CPQ: variants seen among roughly 807,000 people sequenced by gnomAD.
The protein encoded by CPQ is Ser-Met dipeptidase.
CPQ carries 37 observed loss-of-function variants against 45.7 expected under a neutral mutation model. That is an observed-to-expected ratio of 0.81 (90% CI 0.62 to 1.07). CPQ has a LOEUF of 1.07. Ranked by LOEUF, CPQ falls within the 50% of genes least tolerant of loss-of-function variation. The pLI is 0.00. For synonymous variants in CPQ, 186 were observed against 205.8 expected (o/e 0.90, Z 0.82); for missense variants, 537 against 572.9 (o/e 0.94, Z 0.64).
In CPQ at chr8:96,650,108, C is replaced by T. The variant is rs368293417; in HGVS notation, c.-35+4706C>T. 1.7e-4 allele frequency among the ~76,000 whole-genome samples: 26 copies of T among 152,234 alleles called. No homozygotes were observed. The East Asian group carries it at 2.9e-3, about 17-fold the overall frequency. The stretch of plus-strand genomic sequence containing the variant: ...TGTACTTCTTTAATGGTAAGATATC[C>T]CAAGCTTTGATTTCTCATCTTATTC... On this transcript the variant is annotated intron_variant, in intron 1 of 7. Transcript: ENST00000220763.
chr8:96,775,364 T>G (rs1305847712), intron 1 of CPQ, among the ~76,000 whole-genome samples: 1 of 152,066 alleles, frequency 6.6e-6, no homozygotes, highest in Non-Finnish European at 1.5e-5. Flanking sequence ...GGAAAATAAT[T>G]TATAATTATT....
chr8:96,750,058 A>G (rs932832508), intron 1 of CPQ, among the ~76,000 whole-genome samples: 1 of 151,978 alleles, frequency 6.6e-6, no homozygotes. Flanking sequence ...ATGATGTATT[A>G]TCAGATTTAA....
At chr8:96,828,154 A>G (rs1278863031) in intron 2 of CPQ, among the ~76,000 whole-genome samples, 1 of 151,984 alleles carries the variant, frequency 6.6e-6, no homozygotes, top group Admixed American at 6.6e-5. Context: ...CCCTGTCCCA[A>G]TCTAAGCCAC....
At chr8:96,854,287 T>G (rs1311042611) in intron 3 of CPQ, among the ~76,000 whole-genome samples, 1 of 151,540 alleles carries the variant, frequency 6.6e-6, no homozygotes, top group Non-Finnish European at 1.5e-5. Flanking sequence ...ATCCCAGCAC[T>G]TTGGGAGGCC....
At chr8:97,019,402 A>G (rs1466141753) in intron 5 of CPQ, among the ~76,000 whole-genome samples, 1 of 152,248 alleles carries the variant, frequency 6.6e-6, no homozygotes, top group African/African-American at 2.4e-5. Context: ...ATGAATGTAA[A>G]TGGCCTAAAT....
intron 3 of CPQ, among the ~76,000 whole-genome samples, chr8:96,850,573 A>T (rs915186055): frequency 6.9e-6 from 1 of 145,776 alleles, no homozygotes; most frequent in Non-Finnish European, 1.5e-5. Context: ...TTTTTATTTT[A>T]TTTTATTTTA....
intron 2 of CPQ, 108 bp downstream of exon 2, chr8:96,785,438 T>A: frequency 4.1e-6 from 4 of 974,470 alleles, no homozygotes; most frequent in Non-Finnish European, 5.9e-6. Flanking sequence ...AATTTCCTAT[T>A]CCATTGGCTT....
At chr8:97,060,534 T>C (rs1008431802) in intron 6 of CPQ, among the ~76,000 whole-genome samples, 1 of 152,156 alleles carries the variant, frequency 6.6e-6, no homozygotes, top group African/African-American at 2.4e-5. Flanking sequence ...GCAGCTTCTC[T>C]TTATTTAGAG....
At chr8:96,652,452 C>G (rs992165859) in intron 1 of CPQ, among the ~76,000 whole-genome samples, 3 of 152,148 alleles carry the variant, frequency 2.0e-5, no homozygotes, top group African/African-American at 7.2e-5. Flanking sequence ...GCATATGTCT[C>G]TTTAATATAA....
chr8:96,802,610 A>C (rs1811021447), intron 2 of CPQ, among the ~76,000 whole-genome samples: 1 of 152,174 alleles, frequency 6.6e-6, no homozygotes, highest in Non-Finnish European at 1.5e-5. Flanking sequence ...TATGTCATCA[A>C]ACTGAAACTT....
In CPQ at chr8:96,968,850, T is replaced by C. The variant is rs1813615822; in HGVS notation, c.961+2804T>C. 2.0e-5 allele frequency among the ~76,000 whole-genome samples: 3 copies of C among 152,242 alleles called. No homozygotes were observed. In the South Asian group the frequency reaches 6.2e-4, roughly 31 times the overall value. ...TTCAATTAATCTAACAGAAGAGTTA[T>C]TTGTGCTTTGTAAATATAATCAGTC... is the stretch of plus-strand genomic sequence containing the variant. On this transcript the variant is annotated intron_variant, in intron 5 of 7. Coordinates refer to ENST00000220763, the MANE Select transcript of CPQ (RefSeq NM_016134.4).
At chr8:96,688,870 C>T (rs1809269522) in intron 1 of CPQ, among the ~76,000 whole-genome samples, 1 of 152,012 alleles carries the variant, frequency 6.6e-6, no homozygotes, top group South Asian at 2.1e-4. Flanking sequence ...TTAATAAGTC[C>T]AGAAGTAGGA....
intron 3 of CPQ, among the ~76,000 whole-genome samples, chr8:96,863,555 A>C (rs1264084183): frequency 2.0e-5 from 3 of 151,968 alleles, no homozygotes; most frequent in African/African-American, 7.3e-5. Context: ...TGAATTAATG[A>C]GCTTATTTCT....
intron 7 of CPQ, chr8:97,093,026 T>C (rs969404059): frequency 6.6e-6 from 1 of 152,146 alleles, no homozygotes; most frequent in Admixed American, 6.5e-5. Context: ...CAGACACTTC[T>C]CAAACGAAGA....
intron 5 of CPQ, among the ~76,000 whole-genome samples, chr8:97,012,515 C>G (rs896017418): frequency 6.6e-6 from 1 of 152,176 alleles, no homozygotes; most frequent in East Asian, 1.9e-4. Context: ...TTCCCACACT[C>G]AGCACATAAC....
At chr8:96,717,596 T>G (rs1272925179) in intron 1 of CPQ, among the ~76,000 whole-genome samples, 1 of 152,154 alleles carries the variant, frequency 6.6e-6, no homozygotes, top group East Asian at 1.9e-4. Flanking sequence ...TTTCTAGTTT[T>G]GTGAAGAATG....
chr8:96,798,312 T>A (rs192232653), intron 2 of CPQ, among the ~76,000 whole-genome samples: 36 of 151,672 alleles, frequency 2.4e-4, no homozygotes, highest in Middle Eastern at 3.4e-3. Flanking sequence ...CGATTTTTTT[T>A]AATAAAGATG....
intron 4 of CPQ, among the ~76,000 whole-genome samples, chr8:96,888,428 G>T (rs1812330967): frequency 6.6e-6 from 1 of 151,752 alleles, no homozygotes; most frequent in African/African-American, 2.4e-5. Context: ...ACTGAAAGAT[G>T]AAAAAAAATA....
chr8:96,734,328 C>T (rs1037834193), intron 1 of CPQ, among the ~76,000 whole-genome samples: 2 of 152,162 alleles, frequency 1.3e-5, no homozygotes, highest in African/African-American at 4.8e-5. Context: ...ACAGGCTTCC[C>T]ACATCCTCTT....
Sources: allele counts gnomAD v4.1 joint callset (sites outside exome capture counted in the v4.1 genomes callset), GRCh38; gene constraint gnomAD v4.1.1; transcripts MANE v1.5; gene names NCBI Gene and HGNC (gene_info 2026-07-23, HGNC 2026-07-21).